Variants in NCOA2 observed in about 807,000 individuals in gnomAD.
NCOA2 encodes the protein nuclear receptor coactivator 2, also known as class E basic helix-loop-helix protein 75.
Under a neutral mutation model 145.1 loss-of-function variants are expected in NCOA2, and 21 were observed. That is an observed-to-expected ratio of 0.14 (90% confidence interval 0.10 to 0.21). The LOEUF is 0.21. NCOA2 is among the 10% of genes least tolerant of loss of function. NCOA2 has a pLI of 1.00. For synonymous variants in NCOA2, 619 were observed against 637.5 expected (o/e 0.97, Z 0.44); for missense variants, 1,472 against 1,837.6 (o/e 0.80, Z 3.64).
intron 9 of NCOA2, among the ~76,000 whole-genome samples, chr8:70,161,776 G>A (rs1052233990): frequency 2.6e-5 from 4 of 152,216 alleles, no homozygotes; most frequent in African/African-American, 9.7e-5. Context: ...CTCACGTGCA[G>A]CATGGCGCAG....
chr8:70,320,778 A>C (rs1193643324), intron 1 of NCOA2, among the ~76,000 whole-genome samples: 1 of 152,218 alleles, frequency 6.6e-6, no homozygotes, highest in Non-Finnish European at 1.5e-5. Context: ...CTCTTAATAA[A>C]AAATAATGAA....
chr8:70,387,120 C>A (rs11780251), intron 1 of NCOA2, among the ~76,000 whole-genome samples: 15,975 of 152,190 alleles, frequency 0.1, 1,285 homozygotes, highest in East Asian at 0.41. Flanking sequence ...TCTTTTAAAT[C>A]ATACAAATGT....
At chr8:70,292,251 CA>C (rs1224195576) in intron 2 of NCOA2, among the ~76,000 whole-genome samples, 1 of 151,592 alleles carries the variant, frequency 6.6e-6, no homozygotes, top group Non-Finnish European at 1.5e-5. Flanking sequence ...CTCCTGGGTT[CA>C]AGCGATTCTC....
chr8:70,211,400 A>C (rs1819002780), intron 4 of NCOA2, among the ~76,000 whole-genome samples: 1 of 151,946 alleles, frequency 6.6e-6, no homozygotes. Context: ...TGGAGGTTGC[A>C]GTGAGCTGAG....
chr8:70,282,728 T>C (rs559560407), intron 2 of NCOA2, among the ~76,000 whole-genome samples: 1 of 151,916 alleles, frequency 6.6e-6, no homozygotes, highest in African/African-American at 2.4e-5. Flanking sequence ...TGGACTTGTT[T>C]CTTCCCAATC....
chr8:70,141,890 C>G (rs532292599), intron 13 of NCOA2, among the ~76,000 whole-genome samples: 1 of 152,272 alleles, frequency 6.6e-6, no homozygotes, highest in African/African-American at 2.4e-5. Context: ...CAAAACTGAC[C>G]AAGAGTAGCC....
intron 1 of NCOA2, among the ~76,000 whole-genome samples, chr8:70,399,772 C>T (rs1294282170): frequency 6.6e-6 from 1 of 152,172 alleles, no homozygotes; most frequent in African/African-American, 2.4e-5. Context: ...TTAAAGAGAC[C>T]ATCCCCTTTT....
At chr8:70,257,757 C>T (rs968309505) in intron 2 of NCOA2, among the ~76,000 whole-genome samples, 1 of 151,892 alleles carries the variant, frequency 6.6e-6, no homozygotes, top group Admixed American at 6.6e-5. Context: ...TACCAGAAAA[C>T]TTTTTCCCTG....
chr8:70,323,289 T>C (rs117189562), intron 1 of NCOA2, among the ~76,000 whole-genome samples: 2,071 of 152,300 alleles, frequency 0.014, 38 homozygotes, highest in Non-Finnish European at 0.02. Flanking sequence ...AAAGAAAATG[T>C]AGTATGTTTT....
In NCOA2 at chr8:70,150,658, C is replaced by T. The variant is rs1811634843; in HGVS notation, c.2395-2175G>A. Among the ~76,000 whole-genome samples the T allele has an allele frequency of 2.0e-5, 3 of 152,292 alleles. No individual in the cohort carries two copies. The South Asian group carries it at 6.2e-4, about 32-fold the overall frequency. ...AAACTGACTTTATGTACTTAAAATA[C>T]ATATGTAAAGTTGACTCCACTGTAA... On this transcript the variant is annotated intron_variant, in intron 11 of 22. Transcript: ENST00000452400.
At chr8:70,325,566 C>T (rs1806483741) in intron 1 of NCOA2, among the ~76,000 whole-genome samples, 1 of 152,062 alleles carries the variant, frequency 6.6e-6, no homozygotes, top group African/African-American at 2.4e-5. Flanking sequence ...TGCACATCAC[C>T]ACACTCAGCT....
chr8:70,124,577 A>T, intron 20 of NCOA2, 111 bp downstream of exon 20: 1 of 1,116,192 alleles, frequency 9.0e-7, no homozygotes, highest in Non-Finnish European at 1.2e-6. Flanking sequence ...ATCCTTTATC[A>T]CTACGTTTGA....
intron 4 of NCOA2, among the ~76,000 whole-genome samples, chr8:70,178,154 T>C (rs1392740698): frequency 6.6e-6 from 1 of 152,240 alleles, no homozygotes; most frequent in Non-Finnish European, 1.5e-5. Flanking sequence ...CTGGGTATTC[T>C]AAATTCTAGC....
At chr8:70,365,415 A>T (rs1188566557) in intron 1 of NCOA2, among the ~76,000 whole-genome samples, 2 of 152,224 alleles carry the variant, frequency 1.3e-5, no homozygotes, top group Non-Finnish European at 2.9e-5. Context: ...CCAGAGAAAG[A>T]AGTCCTATTC....
chr8:70,291,818 G>A (rs996338103), intron 2 of NCOA2, among the ~76,000 whole-genome samples: 7 of 152,126 alleles, frequency 4.6e-5, no homozygotes, highest in Non-Finnish European at 1.0e-4. Context: ...TAAGTTGGCC[G>A]GGCGGGCGCA....
intron 4 of NCOA2, among the ~76,000 whole-genome samples, chr8:70,189,681 T>C (rs556982849): frequency 2.0e-5 from 3 of 152,294 alleles, no homozygotes; most frequent in African/African-American, 7.2e-5. Context: ...TATTAGATGG[T>C]GGAAATGCAA....
At chr8:70,387,433 T>A (rs1812763930) in intron 1 of NCOA2, among the ~76,000 whole-genome samples, 1 of 152,240 alleles carries the variant, frequency 6.6e-6, no homozygotes, top group Non-Finnish European at 1.5e-5. Context: ...TCATTATATC[T>A]CATATTGAAT....
At chr8:70,143,616 T>C (rs1225508343) in intron 13 of NCOA2, among the ~76,000 whole-genome samples, 1 of 152,216 alleles carries the variant, frequency 6.6e-6, no homozygotes, top group Non-Finnish European at 1.5e-5. Context: ...TACAGCACAG[T>C]TCACAGTTGC....
At chr8:70,142,974 G>C (rs1246788866) in intron 13 of NCOA2, among the ~76,000 whole-genome samples, 2 of 150,084 alleles carry the variant, frequency 1.3e-5, no homozygotes, top group African/African-American at 4.9e-5. Context: ...TTTTGAGATG[G>C]AGTCTCACTC....
Sources: allele counts gnomAD v4.1 joint callset (sites outside exome capture counted in the v4.1 genomes callset), GRCh38; gene constraint gnomAD v4.1.1; transcripts MANE v1.5; gene names NCBI Gene and HGNC (gene_info 2026-07-23, HGNC 2026-07-21).